TMCO6: variants seen among roughly 807,000 people sequenced by gnomAD.
The protein encoded by TMCO6 is transmembrane and coiled-coil domain-containing protein 6.
Under a neutral mutation model 61.8 loss-of-function variants are expected in TMCO6, and 47 were observed. The observed-to-expected ratio is 0.76, with a 90% CI of 0.60 to 0.97. The LOEUF (loss-of-function observed/expected upper bound fraction) is 0.97, where lower values mean the gene tolerates loss of function less well. TMCO6 is among the 50% of genes least tolerant of loss of function. TMCO6 has a pLI of 0.00. For missense variants in TMCO6, 557 were observed against 601.6 expected, an observed-to-expected ratio of 0.93 and a Z score of 0.78; for synonymous variants, 261 against 254.2, an observed-to-expected ratio of 1.03 and a Z score of -0.25.
At chr5:140,598,177 T>C in the TMCO6 span, among the ~76,000 whole-genome samples, 1 of 152,122 alleles carries the variant, frequency 6.6e-6, no homozygotes, top group African/African-American at 2.4e-5. Flanking sequence ...CCCATTTTAC[T>C]TGATTTTTAA....
chr5:140,631,175 T>C, the TMCO6 span, among the ~76,000 whole-genome samples: 2 of 152,244 alleles, frequency 1.3e-5, no homozygotes, highest in African/African-American at 4.8e-5. Context: ...AAATTTCCCA[T>C]TATGTCGGGG....
the TMCO6 span, among the ~76,000 whole-genome samples, chr5:140,624,736 C>T: frequency 6.6e-6 from 1 of 151,560 alleles, no homozygotes; most frequent in Admixed American, 6.6e-5. Flanking sequence ...CCATATTGGC[C>T]AGGCTGGTCT....
upstream of TMCO6, among the ~76,000 whole-genome samples, chr5:140,636,783 C>T (rs1369595206): frequency 6.6e-6 from 1 of 152,072 alleles, no homozygotes; most frequent in Non-Finnish European, 1.5e-5. Flanking sequence ...GAATTAAGTT[C>T]AAGGGAAAGA....
chr5:140,621,590 G>GA, the TMCO6 span, among the ~76,000 whole-genome samples: 4 of 152,004 alleles, frequency 2.6e-5, no homozygotes, highest in Admixed American at 2.6e-4. Context: ...CGGGCACCTT[G>GA]AAAAAAGAAC....
At chr5:140,632,554 G>T in the TMCO6 span, 1 of 1,614,162 alleles carries the variant, frequency 6.2e-7, no homozygotes, top group Admixed American at 1.7e-5. This position sits in a 1 kb window ranked among gnomAD's most constrained non-coding sequence, Gnocchi z 6.2. Flanking sequence ...AAGCTGGAAA[G>T]TGCAAGTCCT....
At chr5:140,639,693 G>T (rs1163163674) in intron 1 of TMCO6, 46 bp from the exon 2 acceptor site, 2 of 1,555,292 alleles carry the variant, frequency 1.3e-6, no homozygotes, top group East Asian at 4.8e-5. Context: ...GCGGGTTCTG[G>T]GTTGTGGTCG....
upstream of TMCO6, among the ~76,000 whole-genome samples, chr5:140,636,867 A>G (rs1276239917): frequency 6.6e-6 from 1 of 152,208 alleles, no homozygotes; most frequent in Non-Finnish European, 1.5e-5. Context: ...ATGGCTTTTT[A>G]AAAATTAGAG....
At chr5:140,617,745 A>AG in the TMCO6 span, among the ~76,000 whole-genome samples, 43,184 of 150,080 alleles carry the variant, frequency 0.29, 6,395 homozygotes, top group African/African-American at 0.31. Context: ...AAAAAAAAAA[A>AG]AAACTCAAGG....
At chr5:140,647,683 CA>C (rs1415564848), downstream of TMCO6, 3 of 1,476,112 alleles carry the variant, frequency 2.0e-6, no homozygotes, top group African/African-American at 4.2e-5. Flanking sequence ...CTGCATGAGG[CA>C]GGGGCGGGGT....
intron 4 of TMCO6, 46 bp downstream of exon 4, chr5:140,642,099 A>T: frequency 6.3e-7 from 1 of 1,575,796 alleles, no homozygotes; most frequent in Non-Finnish European, 8.7e-7. Flanking sequence ...AGATTTTAAA[A>T]TTGTGCTTTT....
chr5:140,610,186 T>TAAAAA, the TMCO6 span, among the ~76,000 whole-genome samples: 865 of 70,718 alleles, frequency 0.012, 27 homozygotes, highest in African/African-American at 0.045. Flanking sequence ...CCATTTCTAC[T>TAAAAA]AAAAAAAAAA....
At chr5:140,647,060 A>T, downstream of TMCO6, 1 of 629,036 alleles carries the variant, frequency 1.6e-6, no homozygotes. Context: ...CAGCCTGCAT[A>T]CTTATGTTGC....
the TMCO6 span, among the ~76,000 whole-genome samples, chr5:140,605,298 C>T: frequency 4.5e-3 from 678 of 152,204 alleles, 1 homozygote; most frequent in Non-Finnish European, 7.2e-3. Flanking sequence ...TTCTTCCTTT[C>T]CAAATTGGAT....
chr5:140,633,034 G>C, the TMCO6 span: 2 of 1,613,590 alleles, frequency 1.2e-6, no homozygotes, highest in Non-Finnish European at 1.7e-6. Context: ...TGGCTCCCGA[G>C]TGGCACGCGT....
chr5:140,632,866 C>A, the TMCO6 span: 2 of 1,614,054 alleles, frequency 1.2e-6, no homozygotes, highest in East Asian at 2.2e-5. This position sits in a 1 kb window ranked among gnomAD's most constrained non-coding sequence, Gnocchi z 6.2. Flanking sequence ...GGCTGAGGTT[C>A]GGAGAAGTTG....
chr5:140,606,144 TCCTTCCTC>T, the TMCO6 span, among the ~76,000 whole-genome samples: 1 of 124,436 alleles, frequency 8.0e-6, no homozygotes, highest in South Asian at 2.9e-4. Flanking sequence ...CTTCCTTCCT[TCCTTCCTC>T]CCTCTCTCTT....
At chr5:140,631,684 C>A in the TMCO6 span, 1 of 636,102 alleles carries the variant, frequency 1.6e-6, no homozygotes, top group Non-Finnish European at 2.7e-6. Flanking sequence ...CTGTGCCCAG[C>A]ACATAGCAGA....
At chr5:140,622,879 T>C in the TMCO6 span, among the ~76,000 whole-genome samples, 3 of 152,098 alleles carry the variant, frequency 2.0e-5, no homozygotes, top group African/African-American at 7.2e-5. Context: ...TCTTTTTATG[T>C]ATTTATATTT....
At chr5:140,607,934 C>A in the TMCO6 span, among the ~76,000 whole-genome samples, 2 of 151,950 alleles carry the variant, frequency 1.3e-5, no homozygotes, top group African/African-American at 2.4e-5. Context: ...GGATTACAGG[C>A]ACTCACCACC....
Sources: allele counts gnomAD v4.1 joint callset (sites outside exome capture counted in the v4.1 genomes callset), GRCh38; gene constraint gnomAD v4.1.1; non-coding constraint Gnocchi (gnomAD v3.1); transcripts MANE v1.5; gene names NCBI Gene and HGNC (gene_info 2026-07-23, HGNC 2026-07-21).